Variants in WASF3 observed in about 807,000 individuals in gnomAD.
WASF3 encodes the protein actin-binding protein WASF3.
WASF3 carries 11 observed loss-of-function variants against 46.6 expected under a neutral mutation model. The observed-to-expected ratio is 0.24, with a 90% CI of 0.15 to 0.39. WASF3 has a LOEUF of 0.39. Ranked by LOEUF, WASF3 falls within the 10% of genes least tolerant of loss-of-function variation. The probability of loss-of-function intolerance (pLI) is 1.00; values close to 1 mark genes in which losing one functional copy is unlikely to be tolerated. For missense variants in WASF3, 576 were observed against 669.8 expected (o/e 0.86, Z 1.55); for synonymous variants, 242 against 259.7 (o/e 0.93, Z 0.65).
intron 3 of WASF3, among the ~76,000 whole-genome samples, chr13:26,661,078 A>C (rs928985316): frequency 1.3e-5 from 2 of 152,154 alleles, no homozygotes; most frequent in African/African-American, 2.4e-5. Context: ...CGAGGGATCC[A>C]CCCTTGTGAT....
At chr13:26,674,876 C>A (rs1253100956) in intron 6 of WASF3, among the ~76,000 whole-genome samples, 1 of 152,180 alleles carries the variant, frequency 6.6e-6, no homozygotes, top group African/African-American at 2.4e-5. Context: ...TATGTTCTTA[C>A]CAGGCCTTCT....
At chr13:26,583,794 T>G (rs935683353) in intron 1 of WASF3, among the ~76,000 whole-genome samples, 1 of 152,210 alleles carries the variant, frequency 6.6e-6, no homozygotes, top group African/African-American at 2.4e-5. Flanking sequence ...GGAGGCTACC[T>G]AAAGCCTGTT....
chr13:26,559,788 T>TTTTTTCTTTC (rs1555246393), intron 1 of WASF3, among the ~76,000 whole-genome samples: 1 of 80,508 alleles, frequency 1.2e-5, no homozygotes, highest in Non-Finnish European at 2.4e-5. Context: ...TTTTCTTTTC[T>TTTTTTCTTTC]TTTCTTTCTT....
intron 2 of WASF3, among the ~76,000 whole-genome samples, chr13:26,613,732 TGCACTCCA>T (rs1337430078): frequency 6.6e-6 from 1 of 152,138 alleles, no homozygotes; most frequent in Non-Finnish European, 1.5e-5. Context: ...ATCGTGCCAC[TGCACTCCA>T]GCCTGGCGAC....
intron 1 of WASF3, among the ~76,000 whole-genome samples, chr13:26,592,854 C>G (rs1362267356): frequency 1.3e-5 from 2 of 151,984 alleles, no homozygotes; most frequent in African/African-American, 4.8e-5. Flanking sequence ...GTGTGCCTGT[C>G]TCTGTGGGTT....
chr13:26,547,426 A>ACACC, the WASF3 span, among the ~76,000 whole-genome samples: 4 of 76,602 alleles, frequency 5.2e-5, no homozygotes, highest in South Asian at 6.8e-4. Context: ...ACACACACAC[A>ACACC]CCCATCATAT....
chr13:26,556,958 C>T (rs981812322), upstream of WASF3, among the ~76,000 whole-genome samples: 1 of 113,992 alleles, frequency 8.8e-6, no homozygotes, highest in Non-Finnish European at 1.8e-5. Context: ...TCTATCTTTT[C>T]TTCTCTTCCT....
At chr13:26,615,440 C>G (rs1320736432) in intron 2 of WASF3, among the ~76,000 whole-genome samples, 1 of 152,100 alleles carries the variant, frequency 6.6e-6, no homozygotes, top group Non-Finnish European at 1.5e-5. Flanking sequence ...TCCCGAGTAG[C>G]TGGGGTTACA....
intron 1 of WASF3, among the ~76,000 whole-genome samples, chr13:26,591,586 G>T (rs1368099422): frequency 6.6e-6 from 1 of 152,166 alleles, no homozygotes; most frequent in African/African-American, 2.4e-5. Flanking sequence ...GCTCTAGATT[G>T]CTGGGGAACG....
At position 26,687,893 on chromosome 13, in the gene WASF3, CT is replaced by C. The variant is rs1450722804; in HGVS notation, c.*2050del. 1 of 151,954 alleles carries C rather than the reference CT, an allele frequency of 6.6e-6. No homozygotes were observed. Among genetic ancestry groups the C allele is most frequent in the African/African-American group, 2.4e-5 (1 of 41,370 alleles). The allele number at this position is 151,954 out of a possible 1,614,324, so 9.4% of individuals were successfully genotyped here. Reference sequence around the variant, plus strand: ...AATGCTTCTTTGTTTTTTTATGGCCCTTCTGTTCTCAGGATGGAGAGAACAC... The same window carrying C: ...AATGCTTCTTTGTTTTTTTATGGCCCTCTGTTCTCAGGATGGAGAGAACAC... On this transcript the variant is annotated 3_prime_UTR_variant, in exon 10 of 10. Coordinates refer to ENST00000335327, the MANE Select transcript of WASF3 (RefSeq NM_006646.6).
In WASF3 at chr13:26,587,538, T is replaced by C. The variant is rs559831564; in HGVS notation, c.-108-25423T>C. ...TTATTTTTGAAGTATGTAGCATGAT[T>C]GTATCTTCAGCACAATTAAGTGCTT... On this transcript the variant is annotated intron_variant, in intron 1 of 9. Transcript: ENST00000335327. Among the ~76,000 whole-genome samples, 119 of 152,316 alleles carry C rather than the reference T, an allele frequency of 7.8e-4. 1 individual carries two copies. The highest frequency in any genetic ancestry group is 7.7e-4 in the East Asian group (4 of 5,186).
chr13:26,654,961 A>C (rs1349512108), intron 3 of WASF3, among the ~76,000 whole-genome samples: 1 of 152,206 alleles, frequency 6.6e-6, no homozygotes, highest in East Asian at 1.9e-4. Flanking sequence ...CATTACAGAT[A>C]CTATAATAAA....
At chr13:26,611,742 T>G (rs1034514240) in intron 1 of WASF3, among the ~76,000 whole-genome samples, 3 of 152,202 alleles carry the variant, frequency 2.0e-5, no homozygotes, top group African/African-American at 7.2e-5. Context: ...GCAGTACAGC[T>G]GCTCTGAAGG....
chr13:26,638,677 A>T (rs1364082002), intron 2 of WASF3: 1 of 152,242 alleles, frequency 6.6e-6, no homozygotes, highest in East Asian at 1.9e-4. Context: ...TCTTCAATTT[A>T]TTCAAAACTG....
intron 3 of WASF3, among the ~76,000 whole-genome samples, chr13:26,642,940 CATTGAGGTGAACAGATCAGCT>C (rs1882043279): frequency 6.6e-6 from 1 of 152,076 alleles, no homozygotes; most frequent in African/African-American, 2.4e-5. Flanking sequence ...CTGATTTCTG[CATTGAGGTGAACAGATCAGCT>C]GGTTATTTTA....
Position 26,682,477 on chromosome 13 carries a change from C to A in WASF3, c.984-130C>A, listed in dbSNP as rs981489374. The A allele has an allele frequency of 9.3e-6, 10 of 1,078,840 alleles. No homozygotes were observed. Among genetic ancestry groups the A allele is most frequent in the Non-Finnish European group, 1.2e-5 (9 of 728,260 alleles). 66.8% of individuals were successfully genotyped at this position (1,078,840 alleles called of 1,614,324 possible). A position where few individuals can be genotyped will look rare whatever the true frequency, so the allele number is the denominator to read the frequency against. On this transcript the variant is annotated intron_variant, in intron 8 of 9. Transcript: ENST00000335327. This position sits in a 1 kb window ranked among gnomAD's most constrained non-coding sequence, Gnocchi z 4.4. ...TGACCCAAGGTGTGCATGTTTGCAT[C>A]CTGCCATGATTGAAGTTCAGGTGAC...
At chr13:26,582,704 A>G (rs1880019936) in intron 1 of WASF3, among the ~76,000 whole-genome samples, 1 of 137,492 alleles carries the variant, frequency 7.3e-6, no homozygotes, top group Admixed American at 7.5e-5. Context: ...AAAAAAGCCT[A>G]CCTCACAGTG....
At chr13:26,665,798 C>G (rs1400112136) in intron 4 of WASF3, among the ~76,000 whole-genome samples, 1 of 152,120 alleles carries the variant, frequency 6.6e-6, no homozygotes, top group East Asian at 1.9e-4. Context: ...ATTTTACTTT[C>G]AGTATCTTGA....
chr13:26,686,028 A>C lies in WASF3; in HGVS notation c.*183A>C. On this transcript the variant is annotated 3_prime_UTR_variant, in exon 10 of 10. Transcript: ENST00000335327. ...ATTTACTGTGTAATACTTAAGTGCCACTAAACATAGCAAATTGTGCTGCAC... is the reference window on the plus strand; with the variant it reads ...ATTTACTGTGTAATACTTAAGTGCCCCTAAACATAGCAAATTGTGCTGCAC... 1 of 712,016 alleles carries C rather than the reference A, an allele frequency of 1.4e-6. No homozygotes were observed. The highest frequency in any genetic ancestry group is 2.8e-5 in the East Asian group (1 of 36,088). The allele number at this position is 712,016 out of a possible 1,614,324, so 44.1% of individuals were successfully genotyped here.
Sources: allele counts gnomAD v4.1 joint callset (sites outside exome capture counted in the v4.1 genomes callset), GRCh38; gene constraint gnomAD v4.1.1; non-coding constraint Gnocchi (gnomAD v3.1); transcripts MANE v1.5; gene names NCBI Gene and HGNC (gene_info 2026-07-23, HGNC 2026-07-21).